The following DCC variants were observed in gnomAD, a reference collection of about 807,000 sequenced individuals.
The protein encoded by DCC is netrin receptor DCC.
In DCC, 58 loss-of-function variants were observed where a neutral mutation model predicts 172.5. The ratio of observed to expected loss-of-function variants is 0.34; its 90% confidence interval spans 0.27 to 0.42. The LOEUF (loss-of-function observed/expected upper bound fraction) is 0.42. Among genes scored for constraint, DCC ranks in the 10% least tolerant of loss-of-function variants. The pLI is 1.00. For synonymous variants in DCC, 709 were observed against 644.5 expected, an observed-to-expected ratio of 1.10 and a Z score of -1.52; for missense variants, 1,740 against 1,791.0, an observed-to-expected ratio of 0.97 and a Z score of 0.51.
chr18:52,843,339 A>G (rs539312373), intron 2 of DCC, among the ~76,000 whole-genome samples: 4 of 152,306 alleles, frequency 2.6e-5, no homozygotes, highest in East Asian at 3.9e-4. Flanking sequence ...GCCTTCTTCC[A>G]GAAGATGACA....
At chr18:53,402,596 T>C (rs1909379029) in intron 18 of DCC, among the ~76,000 whole-genome samples, 190 bp from the exon 19 acceptor site, 1 of 152,164 alleles carries the variant, frequency 6.6e-6, no homozygotes, top group African/African-American at 2.4e-5. Flanking sequence ...ATCATTTGAT[T>C]TCCATAAAAA....
chr18:52,618,226 A>G (rs1244793331), intron 1 of DCC, among the ~76,000 whole-genome samples: 1 of 152,160 alleles, frequency 6.6e-6, no homozygotes, highest in East Asian at 1.9e-4. Flanking sequence ...CTTATTCATA[A>G]ACTCATAAAA....
chr18:52,426,913 A>T (rs1987447605), intron 1 of DCC, among the ~76,000 whole-genome samples: 1 of 152,154 alleles, frequency 6.6e-6, no homozygotes, highest in Admixed American at 6.6e-5. Context: ...ACAAGGTTTC[A>T]AGCACTATTC....
intron 22 of DCC, among the ~76,000 whole-genome samples, chr18:53,446,830 C>A (rs377159048): frequency 5.1e-4 from 78 of 152,170 alleles, no homozygotes; most frequent in African/African-American, 1.8e-3. Context: ...TATGTTTCTG[C>A]CAATTTTTCC....
chr18:53,314,098 T>G (rs540481325), intron 13 of DCC, among the ~76,000 whole-genome samples: 1 of 152,326 alleles, frequency 6.6e-6, no homozygotes, highest in Non-Finnish European at 1.5e-5. Context: ...GTATTATTAC[T>G]TAATCACGTT....
chr18:52,628,625 C>A (rs2034617170), intron 1 of DCC, among the ~76,000 whole-genome samples: 1 of 152,184 alleles, frequency 6.6e-6, no homozygotes, highest in Non-Finnish European at 1.5e-5. Context: ...CCTACCCACA[C>A]CCCTACCTCC....
intron 5 of DCC, chr18:52,940,860 A>G: frequency 6.6e-6 from 1 of 152,226 alleles, no homozygotes; most frequent in East Asian, 1.9e-4. Context: ...GGAGGAAAGC[A>G]GAATTACAAG....
chr18:52,977,789 G>A (rs933681805), intron 5 of DCC, among the ~76,000 whole-genome samples: 5 of 151,628 alleles, frequency 3.3e-5, no homozygotes, highest in East Asian at 1.9e-4. Context: ...TGAGGCTGAC[G>A]CAGGAGAATG....
At chr18:52,522,717 C>A (rs879536823) in intron 1 of DCC, among the ~76,000 whole-genome samples, 1 of 152,112 alleles carries the variant, frequency 6.6e-6, no homozygotes, top group Non-Finnish European at 1.5e-5. Flanking sequence ...TGTCTCATAG[C>A]TAGATTAATG....
intron 2 of DCC, among the ~76,000 whole-genome samples, chr18:52,898,607 G>GT (rs1187639420): frequency 6.6e-6 from 1 of 151,926 alleles, no homozygotes; most frequent in Non-Finnish European, 1.5e-5. Context: ...AGAGACTATT[G>GT]TTCTCCTTAT....
chr18:52,810,617 T>A (rs961661082), intron 2 of DCC, among the ~76,000 whole-genome samples: 17 of 152,116 alleles, frequency 1.1e-4, no homozygotes, highest in Middle Eastern at 3.2e-3. Context: ...TTTTATGGAC[T>A]CAATGGGGAG....
At chr18:52,731,556 T>C (rs563541387) in intron 1 of DCC, among the ~76,000 whole-genome samples, 6 of 152,292 alleles carry the variant, frequency 3.9e-5, no homozygotes, top group African/African-American at 1.4e-4. Flanking sequence ...TCTTTACATA[T>C]ACAAGCATTT....
At chr18:52,785,766 A>G (rs9956060) in intron 2 of DCC, among the ~76,000 whole-genome samples, 8,080 of 152,120 alleles carry the variant, frequency 0.053, 281 homozygotes, top group South Asian at 0.16. Context: ...TAACTTTAGT[A>G]TTGACCTTGG....
intron 1 of DCC, among the ~76,000 whole-genome samples, chr18:52,491,282 G>A (rs2030485714): frequency 6.6e-6 from 1 of 152,032 alleles, no homozygotes; most frequent in Non-Finnish European, 1.5e-5. Context: ...CTCCCTGATG[G>A]AATTTGCAGT....
chr18:52,801,462 C>T (rs2037983298), intron 2 of DCC, among the ~76,000 whole-genome samples: 1 of 151,976 alleles, frequency 6.6e-6, no homozygotes. Flanking sequence ...AAAAAATTGC[C>T]TCACAAAGGG....
intron 15 of DCC, among the ~76,000 whole-genome samples, chr18:53,369,405 G>A (rs2058038087): frequency 6.6e-6 from 1 of 151,754 alleles, no homozygotes; most frequent in South Asian, 2.1e-4. Flanking sequence ...GGTTTTATAT[G>A]CATAAGACTT....
At chr18:53,021,112 G>C (rs1234547477) in intron 5 of DCC, among the ~76,000 whole-genome samples, 1 of 151,932 alleles carries the variant, frequency 6.6e-6, no homozygotes, top group Non-Finnish European at 1.5e-5. Context: ...CTGAGGGAAA[G>C]GGCACTTGCT....
At chr18:52,962,592 A>G (rs1325779493) in intron 5 of DCC, among the ~76,000 whole-genome samples, 1 of 151,996 alleles carries the variant, frequency 6.6e-6, no homozygotes, top group East Asian at 1.9e-4. Context: ...TGACCCAGCC[A>G]TCCCATTACT....
In DCC at chr18:53,531,054, C is replaced by A. The variant is rs1018347700; in HGVS notation, c.*401C>A. 1 of 268,490 alleles carries A rather than the reference C, an allele frequency of 3.7e-6. No individual in the cohort carries two copies. Among genetic ancestry groups the A allele is most frequent in the Non-Finnish European group, 7.3e-6 (1 of 136,482 alleles). The allele number at this position is 268,490 out of a possible 1,614,324, so 16.6% of individuals were successfully genotyped here. A position where few individuals can be genotyped will look rare whatever the true frequency, so the allele number is the denominator to read the frequency against. ...GCAAGTGCATTATTTAAGCCTGTAC[C>A]ATGCCATGGCAAACCAGTGCAAGCT... On this transcript the variant is annotated 3_prime_UTR_variant, in exon 29 of 29. Transcript: ENST00000442544.
Sources: allele counts gnomAD v4.1 joint callset (sites outside exome capture counted in the v4.1 genomes callset), GRCh38; gene constraint gnomAD v4.1.1; transcripts MANE v1.5; gene names NCBI Gene and HGNC (gene_info 2026-07-23, HGNC 2026-07-21).